PACS2: variants seen among roughly 807,000 people sequenced by gnomAD.
The protein encoded by PACS2 is PACS1-like protein.
Under a neutral mutation model 113.0 loss-of-function variants are expected in PACS2, and 36 were observed. The observed-to-expected ratio is 0.32, with a 90% CI of 0.24 to 0.42. The LOEUF is 0.42. Among genes scored for constraint, PACS2 ranks in the 10% least tolerant of loss-of-function variants. The pLI is 1.00. For missense variants in PACS2, 1,015 were observed against 1,239.5 expected (o/e 0.82, Z 2.72); for synonymous variants, 589 against 536.1 (o/e 1.10, Z -1.36).
At chr14:105,338,640 C>T (rs1555401044) in intron 1 of PACS2, among the ~76,000 whole-genome samples, 1 of 152,164 alleles carries the variant, frequency 6.6e-6, no homozygotes, top group African/African-American at 2.4e-5. Context: ...AGGTCATCTG[C>T]CCCAGGGCCA....
At position 105,383,406 on chromosome 14, in the gene PACS2, C is replaced by T. The variant is rs782650153; in HGVS notation, c.1673C>T (p.Ala558Val). Residue 558 changes from alanine to valine, a missense_variant, in exon 16 of 25, where the codon GCG (alanine) becomes GTG (valine). Physicochemically the swap from Ala to Val is moderately conservative, Grantham distance 64. Coordinates refer to ENST00000447393, the MANE Select transcript of PACS2 (RefSeq NM_001100913.3). ...QPPTPVKIAV[A>V]GAQHYLSAIL... ...CCGACCCCCGTGAAGATCGCCGTGG[C>T]GGGAGCGCAGCATTACCTCAGTGCC... 14 of 1,608,498 alleles carry T rather than the reference C, an allele frequency of 8.7e-6. No homozygotes were observed. In the East Asian group the frequency reaches 8.9e-5, roughly 10 times the overall value.
rs924990864 is a variant in PACS2 at position 105,397,478 on chromosome 14, C to T, written c.*2806C>T. 3.3e-5 allele frequency: 5 copies of T among 152,312 alleles called. No individual in the cohort carries two copies. Among genetic ancestry groups the T allele is most frequent in the African/African-American group, 1.2e-4 (5 of 41,458 alleles). 9.4% of individuals were successfully genotyped at this position (152,312 alleles called of 1,614,324 possible). On this transcript the variant is annotated 3_prime_UTR_variant, in exon 25 of 25. Transcript: ENST00000447393. Reference sequence around the variant, plus strand: ...CAAAGGTTAAGCCACCAGTCACCACCGAGGCACCCCTCAGGCCTGGTGGCC... The same window carrying T: ...CAAAGGTTAAGCCACCAGTCACCACTGAGGCACCCCTCAGGCCTGGTGGCC...
rs1380021212 is a variant in PACS2 at position 105,386,968 on chromosome 14, G to GT, written c.2033+1252dup. Among the ~76,000 whole-genome samples the GT allele has an allele frequency of 2.6e-5, 4 of 152,326 alleles. No individual in the cohort carries two copies. In the East Asian group the frequency reaches 7.7e-4, roughly 29 times the overall value. Reference sequence around the variant, plus strand: ...CCGCAGGCCGTGGACGCAGCTGCTTGTATCTCCCAGGTCAGCTCTTCCAAG... The same window carrying GT: ...CCGCAGGCCGTGGACGCAGCTGCTTGTTATCTCCCAGGTCAGCTCTTCCAAG... On this transcript the variant is annotated intron_variant, in intron 19 of 24. Coordinates refer to ENST00000447393, the MANE Select transcript of PACS2 (RefSeq NM_001100913.3).
At chr14:105,391,028 C>T (rs1555414677) in intron 20 of PACS2, 179 bp from the exon 21 acceptor site, 1 of 627,134 alleles carries the variant, frequency 1.6e-6, no homozygotes. Context: ...CACATGGCTG[C>T]TCTGAGCTCA....
chr14:105,313,175 C>G (rs2058396655), upstream of PACS2, among the ~76,000 whole-genome samples: 1 of 152,218 alleles, frequency 6.6e-6, no homozygotes, highest in Non-Finnish European at 1.5e-5. Context: ...ACACAGGCAC[C>G]ATGTGTCAGG....
At chr14:105,374,154 C>CAAA (rs113355593) in intron 8 of PACS2, among the ~76,000 whole-genome samples, 2 of 81,868 alleles carry the variant, frequency 2.4e-5, no homozygotes, top group Admixed American at 1.4e-4. Flanking sequence ...GACTCTGTCT[C>CAAA]AAAAAAAAAA....
upstream of PACS2, chr14:105,314,410 G>A (rs964099099): frequency 3.3e-4 from 50 of 150,612 alleles, no homozygotes; most frequent in African/African-American, 1.1e-3. Flanking sequence ...AGCTGGCCGG[G>A]ACCCGGTGGA....
At chr14:105,307,286 A>G (rs1305116216) in intron 1 of PACS2, among the ~76,000 whole-genome samples, 3 of 152,026 alleles carry the variant, frequency 2.0e-5, no homozygotes, top group Non-Finnish European at 4.4e-5. Context: ...ATTCCTGAAC[A>G]CTAGCCCCCT....
At chr14:105,334,035 G>C (rs2059406326) in intron 1 of PACS2, among the ~76,000 whole-genome samples, 1 of 152,254 alleles carries the variant, frequency 6.6e-6, no homozygotes, top group African/African-American at 2.4e-5. Context: ...GGAGTGTCCA[G>C]CCTGGGGGTG....
chr14:105,391,733 C>T lies in PACS2; in HGVS notation c.2222C>T (p.Ser741Phe). The T allele has an allele frequency of 6.3e-7, 1 of 1,597,574 alleles. No homozygotes were observed. The highest frequency in any genetic ancestry group is 2.3e-5 in the East Asian group (1 of 44,248). Residue 741 changes from serine to phenylalanine, a missense_variant, in exon 22 of 25, where the codon TCC becomes TTC. Ser to Phe is a radical substitution (Grantham distance 155, BLOSUM62 -2). Coordinates refer to ENST00000447393, the MANE Select transcript of PACS2 (RefSeq NM_001100913.3). ...AKEASPTPPS[S>F]PSVSGGLSSP... ...GAGGCCTCACCCACCCCGCCCTCCT[C>T]CCCGTCGGTGAGCGGAGGCCTGTCC... is the stretch of plus-strand genomic sequence containing the variant.
chr14:105,380,875 G>C, intron 11 of PACS2, 82 bp from the exon 12 acceptor site: 1 of 1,394,508 alleles, frequency 7.2e-7, no homozygotes. Flanking sequence ...ACCCTCACCC[G>C]AGCCAGAGGC....
intron 1 of PACS2, among the ~76,000 whole-genome samples, chr14:105,305,196 T>C (rs2058151437): frequency 6.6e-6 from 1 of 150,874 alleles, no homozygotes; most frequent in Admixed American, 6.6e-5. Context: ...AGTCCAGGAG[T>C]TTGAGACCAG....
intron 24 of PACS2, 111 bp from the exon 25 acceptor site, chr14:105,394,443 T>G: frequency 6.5e-7 from 1 of 1,543,580 alleles, no homozygotes; most frequent in East Asian, 2.3e-5. Flanking sequence ...ATGGGGCTCC[T>G]TCTCATCCTG....
chr14:105,304,701 T>C (rs1368412571), intron 1 of PACS2, among the ~76,000 whole-genome samples: 2 of 152,192 alleles, frequency 1.3e-5, no homozygotes, highest in Non-Finnish European at 2.9e-5. Flanking sequence ...AAGAGGTTTA[T>C]TGGACCTGTA....
At chr14:105,347,837 C>T (rs1238735757) in intron 1 of PACS2, among the ~76,000 whole-genome samples, 2 of 152,096 alleles carry the variant, frequency 1.3e-5, no homozygotes, top group African/African-American at 2.4e-5. Flanking sequence ...GCAGATGCCC[C>T]GGGGAGATGG....
In PACS2 at chr14:105,317,714, C is replaced by T. The variant is rs1203275877; in HGVS notation, c.119+2677C>T. 6.6e-6 allele frequency among the ~76,000 whole-genome samples: 1 copy of T among 152,032 alleles called. No individual in the cohort carries two copies. The highest frequency in any genetic ancestry group is 1.5e-5 in the Non-Finnish European group (1 of 68,024). ...GAGGATGTCCCCGTCCAGTTATGAGCGAGTCTTTGCTCTCTGAGCAGCCTC... is the reference window on the plus strand; with the variant it reads ...GAGGATGTCCCCGTCCAGTTATGAGTGAGTCTTTGCTCTCTGAGCAGCCTC... On this transcript the variant is annotated intron_variant, in intron 1 of 24. Transcript: ENST00000447393. The surrounding 1 kb of genome is among the most constrained non-coding windows in gnomAD (Gnocchi z 4.2).
Position 105,315,079 on chromosome 14 carries a change from C to G in PACS2, c.119+42C>G. The G allele has an allele frequency of 1.8e-6, 2 of 1,089,154 alleles. No homozygotes were observed. The highest frequency in any genetic ancestry group is 2.2e-6 in the Non-Finnish European group (2 of 889,742). 67.5% of individuals were successfully genotyped at this position (1,089,154 alleles called of 1,614,324 possible). Reference sequence around the variant, plus strand: ...GCGCTTTGTTCCCGCCGGGCACCTGCTGGGGGTGTCCTGGCCGCGGCCTCT... The same window carrying G: ...GCGCTTTGTTCCCGCCGGGCACCTGGTGGGGGTGTCCTGGCCGCGGCCTCT... On this transcript the variant is annotated intron_variant, in intron 1 of 24. Transcript: ENST00000447393. This position sits in a 1 kb window ranked among gnomAD's most constrained non-coding sequence, Gnocchi z 4.4.
intron 9 of PACS2, among the ~76,000 whole-genome samples, chr14:105,377,155 G>A (rs971908626): frequency 6.6e-6 from 1 of 152,196 alleles, no homozygotes; most frequent in Non-Finnish European, 1.5e-5. Flanking sequence ...GCCAGGGGGT[G>A]CAAGCTCTGG....
At chr14:105,374,166 A>C (rs1039544934) in intron 8 of PACS2, among the ~76,000 whole-genome samples, 1 of 152,006 alleles carries the variant, frequency 6.6e-6, no homozygotes, top group Non-Finnish European at 1.5e-5. Flanking sequence ...AAAAAAAAAA[A>C]AAAAACTTGA....
Sources: gnomAD v4.1 joint callset for allele counts (sites outside exome capture counted in the v4.1 genomes callset) on GRCh38, gnomAD v4.1.1 for gene constraint, Gnocchi (gnomAD v3.1) non-coding constraint, MANE v1.5 for transcripts, NCBI Gene and HGNC (gene_info 2026-07-23, HGNC 2026-07-21) for gene names.